Variants in PATJ observed in about 807,000 individuals in gnomAD.
PATJ encodes the protein PATJ crumbs cell polarity complex component.
A neutral mutation model predicts 224.9 loss-of-function variants in PATJ; 190 were observed. The ratio of observed to expected loss-of-function variants is 0.84; its 90% CI spans 0.75 to 0.95. The LOEUF (loss-of-function observed/expected upper bound fraction) is 0.95. Among genes scored for constraint, PATJ ranks in the 40% least tolerant of loss-of-function variants. PATJ has a pLI of 0.00. For missense variants in PATJ, 2,121 were observed against 2,270.3 expected, an observed-to-expected ratio of 0.93 and a Z score of 1.34; for synonymous variants, 769 against 820.3, an observed-to-expected ratio of 0.94 and a Z score of 1.07.
chr1:61,806,395 G>A (rs111834401), intron 13 of PATJ, among the ~76,000 whole-genome samples: 25 of 152,012 alleles, frequency 1.6e-4, no homozygotes, highest in African/African-American at 6.0e-4. Flanking sequence ...CGAGGCGGGC[G>A]GATCACGAGG....
chr1:61,869,261 T>A (rs375658846), intron 20 of PATJ, among the ~76,000 whole-genome samples: 2 of 150,382 alleles, frequency 1.3e-5, no homozygotes, highest in Admixed American at 6.6e-5. Flanking sequence ...CGCCCGCCAC[T>A]ACGCCCGGCT....
At chr1:61,948,640 G>A (rs1679135554) in intron 27 of PATJ, among the ~76,000 whole-genome samples, 1 of 152,192 alleles carries the variant, frequency 6.6e-6, no homozygotes, top group African/African-American at 2.4e-5. Flanking sequence ...TTCAGCCATT[G>A]TGGAAGACAG....
rs112014064 is a variant in PATJ at position 62,136,687 on chromosome 1, G to T, written c.5271+7742G>T. Among the ~76,000 whole-genome samples, 140 of 146,520 alleles carry T rather than the reference G, an allele frequency of 9.6e-4. 1 individual carries two copies. The highest frequency in any genetic ancestry group is 3.3e-3 in the African/African-American group (129 of 38,936). ...TGTCTGTGTGTGTGTGTGTGTGTGTGTGTGTCTGTGTGTGTGTGTGGTGTG... is the reference window on the plus strand; with the variant it reads ...TGTCTGTGTGTGTGTGTGTGTGTGTTTGTGTCTGTGTGTGTGTGTGGTGTG... On this transcript the variant is annotated intron_variant, in intron 41 of 43. Transcript: ENST00000642238.
chr1:62,050,831 C>T (rs1289445339), intron 30 of PATJ, 135 bp from the exon 31 acceptor site: 5 of 674,692 alleles, frequency 7.4e-6, no homozygotes, highest in Non-Finnish European at 1.0e-5. Flanking sequence ...AAGAAAGAAA[C>T]AGAAAATACT....
intron 14 of PATJ, among the ~76,000 whole-genome samples, chr1:61,810,361 T>TCTCA (rs1407946290): frequency 2.6e-5 from 4 of 152,116 alleles, no homozygotes; most frequent in Non-Finnish European, 1.5e-5. Flanking sequence ...ATTAATGCCA[T>TCTCA]CTCAATATAT....
At chr1:61,834,742 T>C (rs1171948094) in intron 17 of PATJ, among the ~76,000 whole-genome samples, 1 of 152,202 alleles carries the variant, frequency 6.6e-6, no homozygotes, top group Non-Finnish European at 1.5e-5. Flanking sequence ...TATTACGTTC[T>C]ATTTTATTTA....
At chr1:62,145,201 A>G (rs938609925) in intron 41 of PATJ, among the ~76,000 whole-genome samples, 1 of 152,212 alleles carries the variant, frequency 6.6e-6, no homozygotes, top group Non-Finnish European at 1.5e-5. Flanking sequence ...TTCACCAGTT[A>G]TTTACTGAGC....
chr1:61,849,808 A>AT lies in PATJ; in HGVS notation c.2113-6216dup, dbSNP rs552792348. ...AGTTTGAGTGTTACATACAGAATAA[A>AT]TTTTTTAAAAACAAACAAACCCAAA... On this transcript the variant is annotated intron_variant, in intron 17 of 43. Transcript: ENST00000642238. 9.8e-5 allele frequency among the ~76,000 whole-genome samples: 15 copies of AT among 152,298 alleles called. No homozygotes were observed. The East Asian group carries it at 2.9e-3, about 29-fold the overall frequency.
At chr1:62,150,868 C>T (rs527244605) in intron 42 of PATJ, among the ~76,000 whole-genome samples, 68 of 152,080 alleles carry the variant, frequency 4.5e-4, no homozygotes, top group African/African-American at 1.4e-3. Context: ...CAAGGCCGGG[C>T]GTGGTGGCTT....
In PATJ at chr1:61,856,230, G is replaced by A. The variant is rs757976072; in HGVS notation, c.2313G>A (p.Lys771=). The stretch of plus-strand genomic sequence containing the variant: ...GCCTAGTACACCTTGGCATCTGTAA[G>A]CCTTTGGTGGTAAGTGTTGTATTTT... ...PPGLVHLGIC[K]PLVEDNEEES... is the part of the protein sequence containing the mutation. Residue 771 remains lysine (K), a synonymous_variant, in exon 18 of 44, where the codon AAG becomes AAA. Transcript: ENST00000642238. 1.9e-6 allele frequency: 3 copies of A among 1,612,944 alleles called. No homozygotes were observed. The Admixed American group carries it at 5.0e-5, about 27-fold the overall frequency.
chr1:61,845,271 G>T (rs890941941), intron 17 of PATJ, among the ~76,000 whole-genome samples: 3 of 152,188 alleles, frequency 2.0e-5, no homozygotes, highest in African/African-American at 7.2e-5. Flanking sequence ...TGAGGTTAAG[G>T]AGTTCACTCA....
intron 28 of PATJ, among the ~76,000 whole-genome samples, chr1:61,995,923 A>G (rs184004250): frequency 2.2e-4 from 34 of 152,218 alleles, no homozygotes; most frequent in African/African-American, 6.5e-4. Context: ...CTGTGCAGGG[A>G]ATTGGAGTGA....
intron 14 of PATJ, among the ~76,000 whole-genome samples, chr1:61,818,614 A>G (rs1210605014): frequency 6.6e-6 from 1 of 152,230 alleles, no homozygotes; most frequent in Non-Finnish European, 1.5e-5. Context: ...TTCAGAACTA[A>G]TATTAGGTAG....
chr1:61,754,520 GTTTTT>G (rs548557219), intron 1 of PATJ, among the ~76,000 whole-genome samples: 1 of 94,446 alleles, frequency 1.1e-5, no homozygotes. Context: ...TTTTTTGCAT[GTTTTT>G]TTTTTTTTTT....
At chr1:62,008,895 G>A (rs1178786790) in intron 28 of PATJ, among the ~76,000 whole-genome samples, 1 of 152,084 alleles carries the variant, frequency 6.6e-6, no homozygotes, top group African/African-American at 2.4e-5. Context: ...GGGTAAATTG[G>A]GAAGCATCAA....
In PATJ at chr1:61,990,289, AT is replaced by A; in HGVS notation, c.3795del (p.Phe1265LeufsTer24). 6.2e-7 allele frequency: 1 copy of A among 1,613,990 alleles called. No individual in the cohort carries two copies. The highest frequency in any genetic ancestry group is 8.5e-7 in the Non-Finnish European group (1 of 1,179,938). ...ATAAAGACCGATCACGCATGAGCATATTTGTGGTGGGAATTAACCCGGAAGG... is the reference window on the plus strand; with the variant it reads ...ATAAAGACCGATCACGCATGAGCATATTGTGGTGGGAATTAACCCGGAAGG... Reference protein sequence around the residue: ...GNKDRSRMSIFVVGINPEGPA... With the variant: ...GNKDRSRMSIXVVGINPEGPA... On this transcript the variant is annotated frameshift_variant, in exon 28 of 44. Coordinates refer to ENST00000642238, the MANE Select transcript of PATJ (RefSeq NM_001350145.3). LOFTEE classifies it high-confidence loss of function.
intron 39 of PATJ, among the ~76,000 whole-genome samples, 199 bp downstream of exon 39, chr1:62,123,257 G>A (rs1352573412): frequency 2.0e-5 from 3 of 151,822 alleles, no homozygotes; most frequent in Non-Finnish European, 4.4e-5. Context: ...TGAATTTTTT[G>A]GCAAATCTCA....
intron 42 of PATJ, 53 bp from the exon 43 acceptor site, chr1:62,153,305 A>G: frequency 1.1e-5 from 13 of 1,164,100 alleles, no homozygotes; most frequent in Non-Finnish European, 1.3e-5. Flanking sequence ...AATTAAATGA[A>G]ATTCCCTCTC....
At chr1:61,788,468 T>A (rs986260089) in intron 8 of PATJ, among the ~76,000 whole-genome samples, 1 of 152,300 alleles carries the variant, frequency 6.6e-6, no homozygotes, top group Admixed American at 6.5e-5. Context: ...CAGATAGGCC[T>A]TATTATACAT....
Sources: gnomAD v4.1 joint callset for allele counts (sites outside exome capture counted in the v4.1 genomes callset) on GRCh38, gnomAD v4.1.1 for gene constraint, MANE v1.5 for transcripts, NCBI Gene and HGNC (gene_info 2026-07-23, HGNC 2026-07-21) for gene names.